ZC3H8: variants seen among roughly 807,000 people sequenced by gnomAD.
ZC3H8 encodes zinc finger CCCH-type containing 8.
In ZC3H8, 27 loss-of-function variants were observed where a neutral mutation model predicts 42.5. The observed-to-expected ratio is 0.64, with a 90% CI of 0.47 to 0.88. The LOEUF is 0.88. ZC3H8 is among the 40% of genes least tolerant of loss of function. ZC3H8 has a pLI of 0.00. For missense variants in ZC3H8, 277 were observed against 336.1 expected (o/e 0.82, Z 1.37); for synonymous variants, 101 against 110.1 (o/e 0.92, Z 0.52).
At chr2:112,240,167 A>T (rs1300507843) in intron 2 of ZC3H8, among the ~76,000 whole-genome samples, 1 of 152,204 alleles carries the variant, frequency 6.6e-6, no homozygotes, top group Non-Finnish European at 1.5e-5. Context: ...TAACTTCTGG[A>T]CTGATAGATC....
chr2:112,235,149 T>C (rs1419408947), intron 4 of ZC3H8, among the ~76,000 whole-genome samples: 2 of 152,250 alleles, frequency 1.3e-5, no homozygotes, highest in African/African-American at 4.8e-5. Context: ...AGCTTCTGTA[T>C]ACCAAATTTT....
rs1189770082 is a variant in ZC3H8 at position 112,213,898 on chromosome 2, TTC to T, written c.*2584_*2585del. The T allele has an allele frequency of 6.7e-6, 1 of 150,286 alleles. No individual in the cohort carries two copies. Among genetic ancestry groups the T allele is most frequent in the Non-Finnish European group, 1.5e-5 (1 of 67,814 alleles). 9.3% of individuals were successfully genotyped at this position (150,286 alleles called of 1,614,324 possible). On this transcript the variant is annotated 3_prime_UTR_variant, in exon 9 of 9. Coordinates refer to ENST00000409573, the MANE Select transcript of ZC3H8 (RefSeq NM_032494.3). The stretch of plus-strand genomic sequence containing the variant: ...TCACACAGAATTTTAGAAATGAGAA[TTC>T]TGTCCATTCTATTCTGTGATTTCCA...
chr2:112,229,927 CT>C (rs1318012555), intron 8 of ZC3H8, among the ~76,000 whole-genome samples: 1 of 150,810 alleles, frequency 6.6e-6, no homozygotes, highest in African/African-American at 2.4e-5. Flanking sequence ...AGTAATTCTA[CT>C]CACTGAGATG....
chr2:112,252,936 G>A (rs1440519459), intron 1 of ZC3H8, among the ~76,000 whole-genome samples: 1 of 152,148 alleles, frequency 6.6e-6, no homozygotes, highest in African/African-American at 2.4e-5. Flanking sequence ...AAGGTCAGGA[G>A]ATCGAGACCA....
intron 4 of ZC3H8, among the ~76,000 whole-genome samples, chr2:112,236,213 G>C (rs894910394): frequency 6.6e-6 from 1 of 152,088 alleles, no homozygotes; most frequent in Non-Finnish European, 1.5e-5. Flanking sequence ...GCAGTGAGCC[G>C]AGATCGCACC....
chr2:112,224,174 T>C (rs926156354), intron 8 of ZC3H8, among the ~76,000 whole-genome samples: 22 of 152,338 alleles, frequency 1.4e-4, no homozygotes, highest in African/African-American at 5.1e-4. Flanking sequence ...ATAATATTAA[T>C]GATATTTGAA....
chr2:112,246,339 C>CT (rs1685762903), intron 2 of ZC3H8, among the ~76,000 whole-genome samples: 1 of 152,154 alleles, frequency 6.6e-6, no homozygotes, highest in Non-Finnish European at 1.5e-5. Flanking sequence ...ACAAAATACA[C>CT]TTTTTAAGGT....
At chr2:112,252,917 G>A (rs959585487) in intron 1 of ZC3H8, among the ~76,000 whole-genome samples, 5 of 152,202 alleles carry the variant, frequency 3.3e-5, no homozygotes, top group African/African-American at 1.2e-4. Flanking sequence ...GCCAAGGCGG[G>A]CAGATCACAA....
intron 1 of ZC3H8, among the ~76,000 whole-genome samples, chr2:112,250,859 G>A (rs1377067775): frequency 6.6e-6 from 1 of 152,178 alleles, no homozygotes. Context: ...GAGATTAGGA[G>A]CGAGACAAAC....
chr2:112,224,010 G>A (rs576679089), intron 8 of ZC3H8, among the ~76,000 whole-genome samples: 1 of 152,194 alleles, frequency 6.6e-6, no homozygotes, highest in East Asian at 1.9e-4. Flanking sequence ...AGGGTGGTAG[G>A]TGCCTGTAAT....
intron 8 of ZC3H8, among the ~76,000 whole-genome samples, chr2:112,227,986 C>A (rs1418151514): frequency 6.6e-6 from 1 of 151,894 alleles, no homozygotes; most frequent in Non-Finnish European, 1.5e-5. Context: ...GTAGCCAAAA[C>A]AATCTTTGAA....
At chr2:112,222,452 C>A (rs1372951963) in intron 8 of ZC3H8, among the ~76,000 whole-genome samples, 1 of 151,882 alleles carries the variant, frequency 6.6e-6, no homozygotes, top group South Asian at 2.1e-4. Flanking sequence ...AGGCTGTGCC[C>A]TAAAAAAAGA....
At chr2:112,227,747 GAATA>G (rs1684907595) in intron 8 of ZC3H8, among the ~76,000 whole-genome samples, 2 of 152,146 alleles carry the variant, frequency 1.3e-5, no homozygotes, top group African/African-American at 4.8e-5. Context: ...GAATATGTAC[GAATA>G]AATTAACAAA....
At chr2:112,239,687 C>A (rs184408749) in intron 2 of ZC3H8, among the ~76,000 whole-genome samples, 1 of 148,234 alleles carries the variant, frequency 6.7e-6, no homozygotes, top group Non-Finnish European at 1.5e-5. Flanking sequence ...CAGGCTCAAG[C>A]GATTCCCTTG....
intron 6 of ZC3H8, among the ~76,000 whole-genome samples, chr2:112,232,497 G>T (rs1292486111): frequency 6.6e-6 from 1 of 151,900 alleles, no homozygotes; most frequent in Non-Finnish European, 1.5e-5. Context: ...TCTTATAATA[G>T]AGTACAGGCA....
At chr2:112,228,915 A>G (rs1179678966) in intron 8 of ZC3H8, among the ~76,000 whole-genome samples, 1 of 152,224 alleles carries the variant, frequency 6.6e-6, no homozygotes, top group Non-Finnish European at 1.5e-5. Flanking sequence ...ATGGGCAGAG[A>G]TCTAAACTGA....
At position 112,213,674 on chromosome 2, in the gene ZC3H8, G is replaced by A. The variant is rs1684216864; in HGVS notation, c.*2810C>T. The A allele has an allele frequency of 2.0e-5, 3 of 148,260 alleles. No individual in the cohort carries two copies. The highest frequency in any genetic ancestry group is 7.5e-5 in the African/African-American group (3 of 40,076). 9.2% of individuals were successfully genotyped at this position (148,260 alleles called of 1,614,324 possible). ...ACCTGTAGTCCCAGCTACTTGGGAG[G>A]CTGAGGCAGGAGAATCACTTGAACC... On this transcript the variant is annotated 3_prime_UTR_variant, in exon 9 of 9. Transcript: ENST00000409573.
intron 8 of ZC3H8, among the ~76,000 whole-genome samples, chr2:112,217,807 C>T (rs1340385552): frequency 6.6e-6 from 1 of 152,156 alleles, no homozygotes; most frequent in Non-Finnish European, 1.5e-5. Flanking sequence ...GTGACAGGGT[C>T]ACTCTGTTCA....
intron 3 of ZC3H8, among the ~76,000 whole-genome samples, chr2:112,237,378 T>C (rs1685381502): frequency 6.6e-6 from 1 of 152,190 alleles, no homozygotes; most frequent in Admixed American, 6.5e-5. Context: ...AATGACCTCA[T>C]AAATTACTGT....
Sources: allele counts gnomAD v4.1 joint callset (sites outside exome capture counted in the v4.1 genomes callset), GRCh38; gene constraint gnomAD v4.1.1; transcripts MANE v1.5; gene names NCBI Gene and HGNC (gene_info 2026-07-23, HGNC 2026-07-21).